The following MUC5B variants were observed in gnomAD, a reference collection of about 807,000 sequenced individuals.
The protein encoded by MUC5B is mucin 5B, oligomeric mucus/gel-forming.
Under a neutral mutation model 376.9 loss-of-function variants are expected in MUC5B, and 116 were observed. That is an observed-to-expected ratio of 0.31 (90% confidence interval 0.26 to 0.36). MUC5B has a LOEUF of 0.36. Among genes scored for constraint, MUC5B ranks in the 10% least tolerant of loss-of-function variants. The pLI, the probability that MUC5B is intolerant of heterozygous loss-of-function variation, is 1.00. For synonymous variants in MUC5B, 3,517 were observed against 3,390.9 expected (o/e 1.04, Z -1.29); for missense variants, 7,165 against 7,769.9 (o/e 0.92, Z 2.93).
In MUC5B at chr11:1,261,534, C is replaced by A; in HGVS notation, c.17215C>A (p.Pro5739Thr). 1 of 1,607,932 alleles carries A rather than the reference C, an allele frequency of 6.2e-7. No homozygotes were observed. The highest frequency in any genetic ancestry group is 8.5e-7 in the Non-Finnish European group (1 of 1,178,150). ...YTHVDECGCT[P>T]FCVPAPMAPP... ...CCACGTGGATGAGTGTGGCTGCACGCCCTTCTGTGTCCCTGCGCCCATGGC... is the reference window on the plus strand; with the variant it reads ...CCACGTGGATGAGTGTGGCTGCACGACCTTCTGTGTCCCTGCGCCCATGGC... Residue 5739 changes from proline to threonine, a missense_variant, in exon 49 of 49, where the codon CCC becomes ACC. Transcript: ENST00000529681.
chr11:1,224,066 T>G (rs946759053), intron 1 of MUC5B, among the ~76,000 whole-genome samples: 1 of 152,130 alleles, frequency 6.6e-6, no homozygotes, highest in Non-Finnish European at 1.5e-5. Flanking sequence ...CGGGGGGAGC[T>G]GCGTCTGGCT....
chr11:1,238,650 G>A (rs1418644570), intron 25 of MUC5B, among the ~76,000 whole-genome samples: 8 of 152,200 alleles, frequency 5.3e-5, no homozygotes, highest in Non-Finnish European at 1.2e-4. Flanking sequence ...ATGGGCAGGT[G>A]GGCAGGGATA....
Position 1,240,033 on chromosome 11 carries a change from C to A in MUC5B, c.3729-12C>A, listed in dbSNP as rs1173822370. 6.3e-7 allele frequency: 1 copy of A among 1,585,566 alleles called. No individual in the cohort carries two copies. The highest frequency in any genetic ancestry group is 8.6e-7 in the Non-Finnish European group (1 of 1,165,496). ...CCCCCAGGCCCTCAGCTCGCCTCTC[C>A]CCCACCCCTAGTAACTGCACACCCA... On this transcript the variant is annotated splice_polypyrimidine_tract_variant and intron_variant, in intron 28 of 48. Transcript: ENST00000529681.
At position 1,254,385 on chromosome 11, in the gene MUC5B, C is replaced by T. The variant is rs974893790; in HGVS notation, c.15477+34C>T. ...AGGCTGCGGGTGGCACAGTGTTGGC[C>T]CAGTCCCAACCGCACCTGGGCAGGC... On this transcript the variant is annotated intron_variant, in intron 34 of 48. Coordinates refer to ENST00000529681, the MANE Select transcript of MUC5B (RefSeq NM_002458.3). 2.5e-6 allele frequency: 4 copies of T among 1,591,560 alleles called. No individual in the cohort carries two copies. The African/African-American group carries it at 4.0e-5, about 16-fold the overall frequency.
At position 1,248,501 on chromosome 11, in the gene MUC5B, C is replaced by A. The variant is rs542178907; in HGVS notation, c.11621C>A (p.Thr3874Lys). 1.2e-6 allele frequency: 2 copies of A among 1,612,186 alleles called. No individual in the cohort carries two copies. The highest frequency in any genetic ancestry group is 2.2e-5 in the East Asian group (1 of 44,864). The change falls in exon 31 of 49, where the codon ACA (threonine) becomes AAA (lysine). Residue 3874 changes from threonine to lysine, a missense_variant. Thr to Lys is a moderately conservative substitution (Grantham distance 78, BLOSUM62 -1). Coordinates refer to ENST00000529681, the MANE Select transcript of MUC5B (RefSeq NM_002458.3). ...KVPTTTTTGF[T>K]VTPSSSPGTA... is the part of the protein sequence containing the mutation. ...CCGACTACCACAACCACGGGCTTCA[C>A]AGTCACCCCCTCCTCCAGCCCAGGG...
chr11:1,223,832 A>G (rs1456597713), intron 1 of MUC5B, among the ~76,000 whole-genome samples: 2 of 152,166 alleles, frequency 1.3e-5, no homozygotes, highest in African/African-American at 4.8e-5. Flanking sequence ...CTTACTGTCA[A>G]TAGAGAAAGA....
Position 1,226,743 on chromosome 11 carries a change from G to A in MUC5B, c.328G>A (p.Ala110Thr), listed in dbSNP as rs780107364. Reference protein sequence around the residue: ...NYVFSEHCRAAYEDFNVQLRR... With the variant: ...NYVFSEHCRATYEDFNVQLRR... ...CGTGTTCTCTGAGCACTGCCGCGCC[G>A]CCTACGAGGACTTCAACGTCCAGCT... is the stretch of plus-strand genomic sequence containing the variant. Residue 110 changes from alanine (A) to threonine (T), a missense_variant, in exon 4 of 49, where the codon GCC becomes ACC. By Grantham distance (58) the Ala-to-Thr change is moderately conservative. This residue lies in a region of MUC5B where 640 missense variants were observed against 733.0 expected (regional missense o/e 0.87). Transcript: ENST00000529681. 2.5e-5 allele frequency: 40 copies of A among 1,612,632 alleles called. No individual in the cohort carries two copies. Among genetic ancestry groups the A allele is most frequent in the South Asian group, 1.4e-4 (13 of 91,078 alleles).
intron 13 of MUC5B, among the ~76,000 whole-genome samples, 187 bp from the exon 14 acceptor site, chr11:1,231,236 C>T (rs1227592828): frequency 3.3e-5 from 5 of 152,182 alleles, no homozygotes; most frequent in East Asian, 1.9e-4. Flanking sequence ...TCAGGGAGCC[C>T]GGTCTCCACC....
intron 30 of MUC5B, among the ~76,000 whole-genome samples, 200 bp downstream of exon 30, chr11:1,240,575 T>C (rs1862258092): frequency 6.6e-6 from 1 of 152,206 alleles, no homozygotes; most frequent in Non-Finnish European, 1.5e-5. Flanking sequence ...CAATGATTGA[T>C]GGGATACCCC....
In MUC5B at chr11:1,245,914, C is replaced by T. The variant is rs1432412555; in HGVS notation, c.9034C>T (p.Pro3012Ser). 1.9e-6 allele frequency: 3 copies of T among 1,612,988 alleles called. No individual in the cohort carries two copies. In the African/African-American group the frequency reaches 4.0e-5, roughly 22 times the overall value. ...CGCAACCACTGGATCCACGGCCATC[C>T]CGTCCTCCACCCCGGGAACAGCTCC... The part of the protein sequence containing the change: ...TTATTGSTAI[P>S]SSTPGTAPPP... Residue 3012 changes from proline to serine, a missense_variant, in exon 31 of 49, where the codon CCG becomes TCG. Around this residue, in one of 31 missense-constraint regions of MUC5B, gnomAD observed 939 missense variants for 770.6 expected, o/e 1.22. Transcript: ENST00000529681.
In MUC5B at chr11:1,254,181, A is replaced by G. The variant is rs765283620; in HGVS notation, c.15307A>G (p.Arg5103Gly). Residue 5103 changes from arginine to glycine, a missense_variant, in exon 34 of 49, where the codon AGA becomes GGA. This residue lies in a region of MUC5B where 842 missense variants were observed against 1,016.9 expected (regional missense o/e 0.83). Coordinates refer to ENST00000529681, the MANE Select transcript of MUC5B (RefSeq NM_002458.3). ...FRGNCTYVLM[R>G]EIHARFGNLS... Reference sequence around the variant, plus strand: ...GGGCAACTGCACCTATGTCCTCATGAGAGAGATCCATGCACGCTTTGGGAA... The same window carrying G: ...GGGCAACTGCACCTATGTCCTCATGGGAGAGATCCATGCACGCTTTGGGAA... 6.2e-7 allele frequency: 1 copy of G among 1,612,902 alleles called. No individual in the cohort carries two copies. The highest frequency in any genetic ancestry group is 8.5e-7 in the Non-Finnish European group (1 of 1,179,850).
At position 1,247,083 on chromosome 11, in the gene MUC5B, C is replaced by A; in HGVS notation, c.10203C>A (p.Gly3401=). 2.6e-6 allele frequency: 4 copies of A among 1,562,658 alleles called. No individual in the cohort carries two copies. The highest frequency in any genetic ancestry group is 1.2e-5 in the South Asian group (1 of 86,198). The change falls in exon 31 of 49, where the codon GGC becomes GGA. Residue 3401 remains glycine (G), a synonymous_variant. Coordinates refer to ENST00000529681, the MANE Select transcript of MUC5B (RefSeq NM_002458.3). The stretch of plus-strand genomic sequence containing the variant: ...CGGCCACTACGATCACAGCCACCGG[C>A]TCCACCACCAACCCCTCCTCAACTC... ...TTTATTITAT[G]STTNPSSTPG...
chr11:1,248,233 A>G lies in MUC5B; in HGVS notation c.11353A>G (p.Thr3785Ala). ...TATALPALRS[T>A]ATTPTATSFT... ...AACCGCCCTTCCAGCACTGAGAAGC[A>G]CAGCCACCACACCCACAGCTACCAG... Residue 3785 changes from threonine to alanine, a missense_variant, in exon 31 of 49, where the codon ACA becomes GCA. Transcript: ENST00000529681. 1.3e-6 allele frequency: 2 copies of G among 1,594,400 alleles called. No individual in the cohort carries two copies. Among genetic ancestry groups the G allele is most frequent in the Non-Finnish European group, 1.7e-6 (2 of 1,167,410 alleles).
In MUC5B at chr11:1,232,123, C is replaced by G; in HGVS notation, c.1806C>G (p.Asn602Lys). The G allele has an allele frequency of 2.5e-6, 4 of 1,612,192 alleles. No homozygotes were observed. Among genetic ancestry groups the G allele is most frequent in the Non-Finnish European group, 2.5e-6 (3 of 1,179,440 alleles). The change falls in exon 15 of 49, where the codon AAC (asparagine) becomes AAG (lysine). Residue 602 changes from asparagine to lysine, a missense_variant. Physicochemically the swap from Asn to Lys is moderately conservative, Grantham distance 94. Coordinates refer to ENST00000529681, the MANE Select transcript of MUC5B (RefSeq NM_002458.3). The part of the protein sequence containing the change: ...KAQAACANAR[N>K]SFEDPCSLSV... The stretch of plus-strand genomic sequence containing the variant: ...AGGCTGCCTGTGCCAATGCCAGGAA[C>G]AGCTTTGAGGACCCCTGCTCCCTCA...
rs1425616958 is a variant in MUC5B, at chr11:1,239,145, G to T, written c.3454+118G>T. On this transcript the variant is annotated intron_variant, in intron 26 of 48. Transcript: ENST00000529681. Reference sequence around the variant, plus strand: ...TGAGCCGCACACAGACATCCAACACGCATGTGCCTCCATGTGAGTGCACAA... The same window carrying T: ...TGAGCCGCACACAGACATCCAACACTCATGTGCCTCCATGTGAGTGCACAA... 6 of 1,253,252 alleles carry T rather than the reference G, an allele frequency of 4.8e-6. No individual in the cohort carries two copies. In the East Asian group the frequency reaches 1.0e-4, roughly 21 times the overall value. 77.6% of individuals were successfully genotyped at this position (1,253,252 alleles called of 1,614,324 possible).
rs555563575 is a variant in MUC5B, at chr11:1,241,038, C to T, written c.4158C>T (p.Pro1386=). Residue 1386 remains proline, a synonymous_variant, in exon 31 of 49, where the codon CCC becomes CCT. Coordinates refer to ENST00000529681, the MANE Select transcript of MUC5B (RefSeq NM_002458.3). ...ADIECRAAQL[P]DMPLEELGQQ... ...TCGAGTGCCGGGCGGCGCAGCTTCC[C>T]GACATGCCGCTGGAGGAGCTGGGCC... is the stretch of plus-strand genomic sequence containing the variant. The T allele has an allele frequency of 4.3e-6, 7 of 1,612,596 alleles. No homozygotes were observed. Among genetic ancestry groups the T allele is most frequent in the South Asian group, 1.1e-5 (1 of 91,076 alleles).
chr11:1,236,608 A>G (rs1231390138), intron 24 of MUC5B, 46 bp downstream of exon 24: 4 of 1,574,462 alleles, frequency 2.5e-6, no homozygotes, highest in South Asian at 2.3e-5. Context: ...ACCCTCTCAC[A>G]GTGACAGAAA....
At chr11:1,223,738 A>C (rs1861812190) in intron 1 of MUC5B, among the ~76,000 whole-genome samples, 1 of 152,210 alleles carries the variant, frequency 6.6e-6, no homozygotes, top group Non-Finnish European at 1.5e-5. Flanking sequence ...ATCTGTGGGC[A>C]TCTCATGCCG....
In MUC5B at chr11:1,239,812, G is replaced by C; in HGVS notation, c.3597G>C (p.Lys1199Asn). The change falls in exon 28 of 49, where the codon AAG becomes AAC. Residue 1199 changes from lysine (K) to asparagine (N), a missense_variant. Physicochemically the swap from Lys to Asn is moderately conservative, Grantham distance 94. Around this residue, in one of 31 missense-constraint regions of MUC5B, gnomAD observed 517 missense variants for 545.3 expected, o/e 0.95. Transcript: ENST00000529681. ...DLPGLEGCYP[K>N]CPPSQPFFNE... is the part of the protein sequence containing the mutation. The stretch of plus-strand genomic sequence containing the variant: ...TGCCGGCCCTAGGCTGCTACCCGAA[G>C]TGCCCACCCAGCCAGCCCTTCTTCA... The C allele has an allele frequency of 6.2e-7, 1 of 1,611,394 alleles. No individual in the cohort carries two copies. Among genetic ancestry groups the C allele is most frequent in the Non-Finnish European group, 8.5e-7 (1 of 1,179,010 alleles).
Sources: allele counts gnomAD v4.1 joint callset (sites outside exome capture counted in the v4.1 genomes callset), GRCh38; gene constraint gnomAD v4.1.1; regional missense constraint gnomAD v4.1.1; transcripts MANE v1.5; gene names NCBI Gene and HGNC (gene_info 2026-07-23, HGNC 2026-07-21).